The following THBS4 variants were observed in gnomAD, a reference collection of about 807,000 sequenced individuals.
The protein encoded by THBS4 is thrombospondin 4, also known as thrombospondin-4.
A neutral mutation model predicts 115.7 loss-of-function variants in THBS4; 90 were observed. The observed-to-expected ratio is 0.78, with a 90% confidence interval of 0.66 to 0.93. The LOEUF is 0.93. THBS4 is among the 40% of genes least tolerant of loss of function. The pLI is 0.00. For missense variants in THBS4, 1,087 were observed against 1,232.7 expected, an observed-to-expected ratio of 0.88 and a Z score of 1.77; for synonymous variants, 460 against 479.3, an observed-to-expected ratio of 0.96 and a Z score of 0.53.
chr5:80,058,110 A>T, intron 3 of THBS4, 96 bp from the exon 4 acceptor site: 1 of 882,680 alleles, frequency 1.1e-6, no homozygotes, highest in Non-Finnish European at 1.8e-6. Flanking sequence ...GTCCAAGTAT[A>T]CAGGACTACT....
intron 11 of THBS4, 94 bp downstream of exon 11, chr5:80,070,504 A>AT (rs1834001632): frequency 7.0e-7 from 1 of 1,434,350 alleles, no homozygotes; most frequent in African/African-American, 1.4e-5. Context: ...CTAATTTAAA[A>AT]TTGTACTTGT....
intron 2 of THBS4, among the ~76,000 whole-genome samples, chr5:80,024,023 A>C (rs547475794): frequency 1.3e-5 from 2 of 152,300 alleles, no homozygotes; most frequent in Admixed American, 1.3e-4. Flanking sequence ...TTTCAACATG[A>C]GTTTGGGTGG....
Position 80,055,944 on chromosome 5 carries a change from A to T in THBS4, c.452A>T (p.Asp151Val), listed in dbSNP as rs558879193. Residue 151 changes from aspartate (D) to valine (V), a missense_variant, in exon 3 of 22, where the codon GAT (aspartate) becomes GTT (valine). By Grantham distance (152) the Asp-to-Val change is radical. Transcript: ENST00000350881. Reference sequence around the variant, plus strand: ...CTCTACCTGGACTGCATCCAGGTGGATTCCGTTCACAATCTCCCCAGGGCC... The same window carrying T: ...CTCTACCTGGACTGCATCCAGGTGGTTTCCGTTCACAATCTCCCCAGGGCC... ...LELYLDCIQV[D>V]SVHNLPRAFA... The T allele has an allele frequency of 6.2e-7, 1 of 1,614,216 alleles. No individual in the cohort carries two copies. Among genetic ancestry groups the T allele is most frequent in the Non-Finnish European group, 8.5e-7 (1 of 1,180,036 alleles).
rs141586029 is a variant in THBS4 at position 79,999,673 on chromosome 5, T to G, written n.177+1246T>G. Among the ~76,000 whole-genome samples the G allele has an allele frequency of 3.8e-3, 576 of 152,372 alleles. 4 individuals carry two copies. Among genetic ancestry groups the G allele is most frequent in the African/African-American group, 0.013 (548 of 41,594 alleles). Reference sequence around the variant, plus strand: ...TGAGGAAAGATTCATTATTGGAGGATTCTTTGCTTTATACATAAATCGCTT... The same window carrying G: ...TGAGGAAAGATTCATTATTGGAGGAGTCTTTGCTTTATACATAAATCGCTT... On this transcript the variant is annotated intron_variant and non_coding_transcript_variant, in intron 2 of 3. Transcript: ENST00000510218.
At chr5:80,049,657 T>C (rs767910655) in intron 2 of THBS4, among the ~76,000 whole-genome samples, 2 of 152,178 alleles carry the variant, frequency 1.3e-5, no homozygotes, top group Non-Finnish European at 2.9e-5. Flanking sequence ...GTTGTAGTGG[T>C]GCCCTCAGAT....
intron 2 of THBS4, among the ~76,000 whole-genome samples, chr5:80,004,484 C>T (rs1236220290): frequency 6.6e-6 from 1 of 152,182 alleles, no homozygotes; most frequent in Non-Finnish European, 1.5e-5. Context: ...TGTTGCTTCT[C>T]ATCTGCTATA....
rs1186481857 is a variant in THBS4 at position 80,079,793 on chromosome 5, A to G, written c.2512-112A>G. 3 of 1,174,634 alleles carry G rather than the reference A, an allele frequency of 2.6e-6. No individual in the cohort carries two copies. The Admixed American group carries it at 6.9e-5, about 27-fold the overall frequency. 72.8% of individuals were successfully genotyped at this position (1,174,634 alleles called of 1,614,324 possible). A position where few individuals can be genotyped will look rare whatever the true frequency, so the allele number is the denominator to read the frequency against. ...GTGTTTATGCTTTGTTCTGAATCCA[A>G]GGCAGCCGGATTATAACCATGACTA... On this transcript the variant is annotated intron_variant, in intron 19 of 21. Transcript: ENST00000350881.
intron 10 of THBS4, among the ~76,000 whole-genome samples, chr5:80,070,091 A>G (rs891674548): frequency 6.7e-6 from 1 of 149,800 alleles, no homozygotes; most frequent in African/African-American, 2.5e-5. Flanking sequence ...AGTGGGAGGG[A>G]GAGTTTTCTC....
At chr5:80,033,855 T>C (rs1240129101), upstream of THBS4, among the ~76,000 whole-genome samples, 3 of 152,232 alleles carry the variant, frequency 2.0e-5, no homozygotes, top group Non-Finnish European at 4.4e-5. Context: ...GTTTTTTAAA[T>C]TCCCCAGGAG....
chr5:79,998,464 C>G (rs1019809142), intron 2 of THBS4: 1 of 158,536 alleles, frequency 6.3e-6, no homozygotes, highest in Non-Finnish European at 1.4e-5. Context: ...ATAAATTACC[C>G]AGTTTCAGGT....
chr5:80,016,807 C>T (rs1341696524), intron 2 of THBS4, among the ~76,000 whole-genome samples: 1 of 152,204 alleles, frequency 6.6e-6, no homozygotes, highest in African/African-American at 2.4e-5. Context: ...GCTTAAAATT[C>T]CAACGTTTGA....
intron 2 of THBS4, among the ~76,000 whole-genome samples, chr5:80,020,857 A>G (rs753654030): frequency 8.5e-5 from 13 of 152,218 alleles, no homozygotes; most frequent in Non-Finnish European, 1.6e-4. Flanking sequence ...ATGCAAAACC[A>G]CTATAGAAAT....
chr5:80,023,494 T>C (rs1199213194), intron 2 of THBS4, among the ~76,000 whole-genome samples: 1 of 152,214 alleles, frequency 6.6e-6, no homozygotes, highest in Non-Finnish European at 1.5e-5. Flanking sequence ...TATGCTCTAC[T>C]TGTTCAAAGA....
At chr5:80,082,668 C>A in intron 21 of THBS4, 123 bp downstream of exon 21, 1 of 1,160,494 alleles carries the variant, frequency 8.6e-7, no homozygotes, top group Non-Finnish European at 1.2e-6. Context: ...TCATTAAAAC[C>A]TGATAGTCCC....
At chr5:80,014,890 C>A (rs1413226879) in intron 2 of THBS4, among the ~76,000 whole-genome samples, 2 of 152,184 alleles carry the variant, frequency 1.3e-5, no homozygotes, top group African/African-American at 2.4e-5. Context: ...TTTCTTCAAA[C>A]CTTATTGTGT....
At chr5:80,023,402 C>G (rs1270977546) in intron 2 of THBS4, among the ~76,000 whole-genome samples, 4 of 152,170 alleles carry the variant, frequency 2.6e-5, no homozygotes, top group Admixed American at 2.0e-4. Flanking sequence ...TACTTGTAGT[C>G]AGGGCAATTA....
Position 80,065,396 on chromosome 5 carries a change from T to G in THBS4, c.1126-13T>G, listed in dbSNP as rs1362194618. The G allele has an allele frequency of 1.9e-6, 3 of 1,605,108 alleles. No individual in the cohort carries two copies. In the East Asian group the frequency reaches 6.7e-5, roughly 36 times the overall value. ...ATGTCTCGCTAAACTTTCTTTGAAC[T>G]TTTCTGCACTAGGTCTGCACTGACA... On this transcript the variant is annotated splice_polypyrimidine_tract_variant and intron_variant, in intron 8 of 21. Coordinates refer to ENST00000350881, the MANE Select transcript of THBS4 (RefSeq NM_003248.6).
At chr5:80,057,105 A>G (rs1018862540) in intron 3 of THBS4, among the ~76,000 whole-genome samples, 4 of 152,236 alleles carry the variant, frequency 2.6e-5, no homozygotes, top group Admixed American at 2.6e-4. Flanking sequence ...GTAGATTTAC[A>G]TATGGAAAAA....
At chr5:80,047,134 C>CGAAT (rs2112055158) in intron 2 of THBS4, among the ~76,000 whole-genome samples, 1 of 152,152 alleles carries the variant, frequency 6.6e-6, no homozygotes, top group South Asian at 2.1e-4. Context: ...AAATATTTGC[C>CGAAT]GAATGAATGA....
Sources: allele counts gnomAD v4.1 joint callset (sites outside exome capture counted in the v4.1 genomes callset), GRCh38; gene constraint gnomAD v4.1.1; transcripts MANE v1.5; gene names NCBI Gene and HGNC (gene_info 2026-07-23, HGNC 2026-07-21).